The following LRP1B variants were observed in gnomAD, a reference collection of about 807,000 sequenced individuals.
LRP1B encodes low-density lipoprotein receptor-related protein 1B.
A neutral mutation model predicts 556.6 loss-of-function variants in LRP1B; 217 were observed. The ratio of observed to expected loss-of-function variants is 0.39; its 90% CI spans 0.35 to 0.44. The LOEUF (loss-of-function observed/expected upper bound fraction) is 0.44. Ranked by LOEUF, LRP1B falls within the 20% of genes least tolerant of loss-of-function variation. LRP1B has a pLI of 1.00. For synonymous variants in LRP1B, 2,047 were observed against 1,865.8 expected (o/e 1.10, Z -2.50); for missense variants, 5,053 against 5,620.8 (o/e 0.90, Z 3.23).
At chr2:140,885,850 G>A (rs1190987046) in intron 24 of LRP1B, among the ~76,000 whole-genome samples, 1 of 148,804 alleles carries the variant, frequency 6.7e-6, no homozygotes, top group Non-Finnish European at 1.5e-5. Flanking sequence ...GTGACTAATG[G>A]TATGTAACAA....
chr2:141,029,953 C>A (rs1698319744), intron 11 of LRP1B, among the ~76,000 whole-genome samples: 1 of 152,066 alleles, frequency 6.6e-6, no homozygotes, highest in Admixed American at 6.6e-5. Context: ...TCCAGTTGAA[C>A]CCAAAATAAT....
intron 3 of LRP1B, among the ~76,000 whole-genome samples, chr2:141,422,585 C>T (rs1680183117): frequency 2.0e-5 from 3 of 152,154 alleles, no homozygotes; most frequent in Admixed American, 2.0e-4. Flanking sequence ...CATGCACACA[C>T]ACATATGCAT....
intron 41 of LRP1B, among the ~76,000 whole-genome samples, chr2:140,634,949 A>T (rs984311711): frequency 6.6e-6 from 1 of 152,130 alleles, no homozygotes; most frequent in African/African-American, 2.4e-5. Flanking sequence ...GAAAACTATG[A>T]ACTTTTGTCA....
At chr2:141,974,004 C>A (rs1420787097) in intron 1 of LRP1B, among the ~76,000 whole-genome samples, 1 of 151,852 alleles carries the variant, frequency 6.6e-6, no homozygotes, top group Non-Finnish European at 1.5e-5. Context: ...TGCCTTTCCA[C>A]CCCTTCTCTA....
chr2:140,830,819 G>T (rs1009771244), intron 31 of LRP1B, among the ~76,000 whole-genome samples: 2 of 151,956 alleles, frequency 1.3e-5, no homozygotes, highest in African/African-American at 2.4e-5. Context: ...AAAACCAAAA[G>T]TCCCCACCAA....
intron 2 of LRP1B, among the ~76,000 whole-genome samples, chr2:141,573,789 C>T (rs186614099): frequency 7.2e-5 from 11 of 152,148 alleles, no homozygotes; most frequent in African/African-American, 2.4e-4. Context: ...CACAGAAATA[C>T]AAACCACCAT....
intron 2 of LRP1B, among the ~76,000 whole-genome samples, chr2:141,656,243 A>T (rs1433400159): frequency 6.6e-6 from 1 of 152,150 alleles, no homozygotes; most frequent in African/African-American, 2.4e-5. Context: ...TTGTCATACA[A>T]TAATGCCACT....
chr2:141,822,148 G>GAA (rs1361356086), intron 1 of LRP1B, among the ~76,000 whole-genome samples: 2 of 150,868 alleles, frequency 1.3e-5, no homozygotes, highest in African/African-American at 2.4e-5. Context: ...GAGAGAGAGA[G>GAA]AGAGAGAGAT....
At chr2:140,726,306 T>C (rs1322698043) in intron 35 of LRP1B, among the ~76,000 whole-genome samples, 1 of 152,172 alleles carries the variant, frequency 6.6e-6, no homozygotes, top group Non-Finnish European at 1.5e-5. Context: ...TTGAGGGAAG[T>C]CTTTAACTTG....
At chr2:140,915,714 G>A (rs1014072909) in intron 21 of LRP1B, among the ~76,000 whole-genome samples, 3 of 150,310 alleles carry the variant, frequency 2.0e-5, no homozygotes, top group Non-Finnish European at 4.4e-5. Context: ...GGCCCTCCTG[G>A]ACAAAAAGGA....
intron 86 of LRP1B, among the ~76,000 whole-genome samples, chr2:140,264,702 ATGTGTGTGTGTGTGTGTG>A (rs3033314): frequency 0.27 from 40,897 of 148,944 alleles, 5,784 homozygotes; most frequent in Middle Eastern, 0.38. Context: ...TTGTCTATAT[ATGTGTGTGTGTGTGTGTG>A]TGTGTGTGTG....
intron 1 of LRP1B, among the ~76,000 whole-genome samples, chr2:141,937,194 G>A (rs1700658496): frequency 6.6e-6 from 1 of 151,784 alleles, no homozygotes; most frequent in Admixed American, 6.6e-5. Flanking sequence ...TTGAGACCAC[G>A]GTGAAACCCC....
chr2:141,611,444 C>T lies in LRP1B; in HGVS notation c.206-130911G>A, dbSNP rs577296696. Among the ~76,000 whole-genome samples the T allele has an allele frequency of 7.2e-5, 11 of 152,172 alleles. No homozygotes were observed. In the South Asian group the frequency reaches 2.1e-3, roughly 29 times the overall value. ...CCTCACATTTTTTTTGGAAAGCAGTCCTATTCAAATTTAAAATTGAAGCCA... is the reference window on the plus strand; with the variant it reads ...CCTCACATTTTTTTTGGAAAGCAGTTCTATTCAAATTTAAAATTGAAGCCA... On this transcript the variant is annotated intron_variant, in intron 2 of 90. Coordinates refer to ENST00000389484, the MANE Select transcript of LRP1B (RefSeq NM_018557.3).
chr2:141,116,674 T>C (rs1043953137), intron 7 of LRP1B, among the ~76,000 whole-genome samples: 1 of 152,090 alleles, frequency 6.6e-6, no homozygotes, highest in African/African-American at 2.4e-5. Context: ...AATTGACGTC[T>C]GAAGTATGTA....
intron 3 of LRP1B, among the ~76,000 whole-genome samples, chr2:141,307,071 A>G (rs1206386534): frequency 6.6e-6 from 1 of 152,060 alleles, no homozygotes; most frequent in Non-Finnish European, 1.5e-5. Context: ...GAAAATGTAT[A>G]TTTTGTAGCT....
chr2:140,946,366 G>T (rs1399239875), intron 20 of LRP1B, among the ~76,000 whole-genome samples: 1 of 152,160 alleles, frequency 6.6e-6, no homozygotes, highest in African/African-American at 2.4e-5. Context: ...TTGAGAGGCT[G>T]AGGTGGATGG....
chr2:141,028,391 A>T (rs66642919), intron 11 of LRP1B, among the ~76,000 whole-genome samples: 58,764 of 151,562 alleles, frequency 0.39, 11,642 homozygotes, highest in East Asian at 0.58. Flanking sequence ...TGTGCAAAAA[A>T]AAATGAGATG....
At chr2:140,378,957 T>C (rs923596597) in intron 67 of LRP1B, among the ~76,000 whole-genome samples, 3 of 152,214 alleles carry the variant, frequency 2.0e-5, no homozygotes, top group Admixed American at 6.5e-5. Flanking sequence ...TGGTGTCCCA[T>C]AGTCCACATA....
At chr2:140,914,576 T>G (rs897843201) in intron 21 of LRP1B, among the ~76,000 whole-genome samples, 39 of 152,026 alleles carry the variant, frequency 2.6e-4, no homozygotes, top group African/African-American at 9.2e-4. Context: ...GGGGACAGAA[T>G]AGATTGCTAT....
Sources: allele counts gnomAD v4.1 joint callset (sites outside exome capture counted in the v4.1 genomes callset), GRCh38; gene constraint gnomAD v4.1.1; transcripts MANE v1.5; gene names NCBI Gene and HGNC (gene_info 2026-07-23, HGNC 2026-07-21).